Variants in ZRANB3 observed in about 807,000 individuals in gnomAD.
ZRANB3 encodes the protein DNA annealing helicase and endonuclease ZRANB3.
In ZRANB3, 125 loss-of-function variants were observed where a neutral mutation model predicts 133.8. The ratio of observed to expected loss-of-function variants is 0.93; its 90% confidence interval spans 0.81 to 1.08. ZRANB3 has a LOEUF of 1.08. Among genes scored for constraint, ZRANB3 ranks in the 50% least tolerant of loss-of-function variants. ZRANB3 has a pLI of 0.00. For missense variants in ZRANB3, 1,229 were observed against 1,275.5 expected (o/e 0.96, Z 0.56); for synonymous variants, 387 against 432.7 (o/e 0.89, Z 1.31).
intron 19 of ZRANB3, among the ~76,000 whole-genome samples, chr2:135,203,817 C>A (rs1693738155): frequency 6.6e-6 from 1 of 152,056 alleles, no homozygotes; most frequent in South Asian, 2.1e-4. Flanking sequence ...ATATCTGTAA[C>A]TTGCATATTT....
chr2:135,212,178 C>T (rs1260904450), intron 17 of ZRANB3, among the ~76,000 whole-genome samples: 2 of 152,182 alleles, frequency 1.3e-5, no homozygotes, highest in Non-Finnish European at 2.9e-5. Flanking sequence ...ATTAAGCCAT[C>T]GTGCTCCAGT....
At chr2:135,243,085 T>C (rs1162482296) in intron 12 of ZRANB3, among the ~76,000 whole-genome samples, 1 of 152,220 alleles carries the variant, frequency 6.6e-6, no homozygotes, top group Non-Finnish European at 1.5e-5. Context: ...CTATCAGGAG[T>C]TCCACATGGG....
intron 8 of ZRANB3, among the ~76,000 whole-genome samples, chr2:135,277,799 C>T (rs370109502): frequency 6.6e-6 from 1 of 151,890 alleles, no homozygotes; most frequent in Non-Finnish European, 1.5e-5. Context: ...GTAGCACGTG[C>T]CTGTAATCCC....
chr2:135,348,485 T>C (rs1019845533), intron 5 of ZRANB3, among the ~76,000 whole-genome samples: 1 of 152,038 alleles, frequency 6.6e-6, no homozygotes, highest in African/African-American at 2.4e-5. Flanking sequence ...GTCATCAGAG[T>C]AGGATGTAAG....
At chr2:135,443,797 C>T (rs1441656903) in intron 2 of ZRANB3, among the ~76,000 whole-genome samples, 1 of 151,896 alleles carries the variant, frequency 6.6e-6, no homozygotes, top group African/African-American at 2.4e-5. Flanking sequence ...TAAAAAGACA[C>T]AATAATTAAA....
chr2:135,355,298 A>G (rs1685379870), intron 3 of ZRANB3: 25 of 984,366 alleles, frequency 2.5e-5, no homozygotes, highest in Non-Finnish European at 2.9e-5. Flanking sequence ...AAGCCACTCA[A>G]ACATCACTGG....
chr2:135,345,677 A>C, intron 5 of ZRANB3, 42 bp from the exon 6 acceptor site: 1 of 1,338,098 alleles, frequency 7.5e-7, no homozygotes, highest in Non-Finnish European at 1.0e-6. Flanking sequence ...TAATATTTTC[A>C]AGTAAATTAT....
At chr2:135,498,929 G>A (rs969687897) in intron 2 of ZRANB3, among the ~76,000 whole-genome samples, 12 of 152,226 alleles carry the variant, frequency 7.9e-5, no homozygotes, top group Admixed American at 4.6e-4. Flanking sequence ...ATGACAATGC[G>A]TGCCTGAAAC....
chr2:135,377,429 A>C (rs918448090), intron 3 of ZRANB3, among the ~76,000 whole-genome samples: 1 of 152,086 alleles, frequency 6.6e-6, no homozygotes, highest in Non-Finnish European at 1.5e-5. Flanking sequence ...TTTTTGAAAA[A>C]TGACTGATTC....
chr2:135,422,712 G>A (rs952264534), intron 2 of ZRANB3, among the ~76,000 whole-genome samples: 1 of 152,184 alleles, frequency 6.6e-6, no homozygotes, highest in Non-Finnish European at 1.5e-5. Context: ...TACTGCAGGA[G>A]GAGAGGGTGT....
intron 3 of ZRANB3, among the ~76,000 whole-genome samples, chr2:135,384,679 C>A (rs1424362812): frequency 6.6e-6 from 1 of 152,192 alleles, no homozygotes; most frequent in Non-Finnish European, 1.5e-5. Context: ...GGATGCAAGG[C>A]TGGTTCAACA....
intron 2 of ZRANB3, among the ~76,000 whole-genome samples, chr2:135,434,991 T>C (rs1169130709): frequency 2.6e-5 from 4 of 152,128 alleles, no homozygotes; most frequent in African/African-American, 9.7e-5. Context: ...AAACTTTTTT[T>C]TTAAATTTGT....
At chr2:135,477,786 G>A (rs1691567918) in intron 2 of ZRANB3, among the ~76,000 whole-genome samples, 1 of 152,132 alleles carries the variant, frequency 6.6e-6, no homozygotes, top group African/African-American at 2.4e-5. Context: ...TTAAGCCCAG[G>A]AGTTGGAGAC....
At chr2:135,318,210 TTTTGTG>T (rs1683347754) in intron 6 of ZRANB3, among the ~76,000 whole-genome samples, 1 of 119,904 alleles carries the variant, frequency 8.3e-6, no homozygotes, top group South Asian at 2.6e-4. Flanking sequence ...TTACACACTA[TTTTGTG>T]TGTGTGTGTG....
intron 11 of ZRANB3, among the ~76,000 whole-genome samples, chr2:135,267,733 G>A (rs767421996): frequency 1.3e-5 from 2 of 151,766 alleles, no homozygotes; most frequent in African/African-American, 2.4e-5. Flanking sequence ...ACATATGATC[G>A]GCCATTTTAA....
At chr2:135,314,693 G>A (rs1423047053) in intron 7 of ZRANB3, among the ~76,000 whole-genome samples, 1 of 152,042 alleles carries the variant, frequency 6.6e-6, no homozygotes, top group Admixed American at 6.6e-5. Context: ...AGAAATTCTA[G>A]AGCAAGGAAC....
chr2:135,414,155 T>A (rs1485610383), intron 2 of ZRANB3, among the ~76,000 whole-genome samples: 1 of 152,078 alleles, frequency 6.6e-6, no homozygotes, highest in African/African-American at 2.4e-5. Flanking sequence ...AGACACAGAC[T>A]GGCAAATTGG....
chr2:135,219,029 A>G (rs1448724338), intron 16 of ZRANB3, 48 bp downstream of exon 16: 1 of 1,217,084 alleles, frequency 8.2e-7, no homozygotes, highest in Non-Finnish European at 1.1e-6. Flanking sequence ...TTACTAAAAC[A>G]AGTTTATTTA....
chr2:135,530,146 G>C (rs576062868), intron 1 of ZRANB3, among the ~76,000 whole-genome samples: 77 of 149,536 alleles, frequency 5.1e-4, no homozygotes, highest in African/African-American at 1.9e-3. Context: ...AGAATGGCGT[G>C]AATCAGTGAG....
Sources: allele counts gnomAD v4.1 joint callset (sites outside exome capture counted in the v4.1 genomes callset), GRCh38; gene constraint gnomAD v4.1.1; transcripts MANE v1.5; gene names NCBI Gene and HGNC (gene_info 2026-07-23, HGNC 2026-07-21).